The following NCEH1 variants were observed in gnomAD, a reference collection of about 807,000 sequenced individuals.
NCEH1 encodes 2-acetyl MAGE hydrolase.
NCEH1 carries 9 observed loss-of-function variants against 25.4 expected under a neutral mutation model. The observed-to-expected ratio is 0.35, with a 90% CI of 0.21 to 0.62. NCEH1 has a LOEUF of 0.62. NCEH1 is among the 20% of genes least tolerant of loss of function. The pLI, the probability that NCEH1 is intolerant of heterozygous loss-of-function variation, is 0.72. For missense variants in NCEH1, 412 were observed against 501.1 expected, an observed-to-expected ratio of 0.82 and a Z score of 1.70; for synonymous variants, 200 against 199.8, an observed-to-expected ratio of 1.00 and a Z score of -0.01.
intron 1 of NCEH1, among the ~76,000 whole-genome samples, chr3:172,690,138 C>A (rs1405948984): frequency 6.6e-6 from 1 of 151,950 alleles, no homozygotes; most frequent in Non-Finnish European, 1.5e-5. Flanking sequence ...CTCCTCACCT[C>A]GTGATCCACC....
At chr3:172,709,126 T>C (rs1714165652) in intron 1 of NCEH1, among the ~76,000 whole-genome samples, 1 of 152,222 alleles carries the variant, frequency 6.6e-6, no homozygotes, top group Non-Finnish European at 1.5e-5. Flanking sequence ...GGGTATACTC[T>C]GTGGAGGACC....
At chr3:172,706,681 A>G (rs903245942) in intron 1 of NCEH1, among the ~76,000 whole-genome samples, 6 of 151,746 alleles carry the variant, frequency 4.0e-5, no homozygotes, top group African/African-American at 1.5e-4. Flanking sequence ...TGTATTTTTT[A>G]GTAGAGACGG....
intron 1 of NCEH1, among the ~76,000 whole-genome samples, chr3:172,682,947 A>C (rs1385293757): frequency 6.6e-6 from 1 of 152,248 alleles, no homozygotes; most frequent in Non-Finnish European, 1.5e-5. Context: ...AAAAATATGT[A>C]CTTGAAGAAC....
intron 1 of NCEH1, among the ~76,000 whole-genome samples, chr3:172,692,950 T>G (rs1182440023): frequency 1.3e-5 from 2 of 152,206 alleles, no homozygotes; most frequent in Non-Finnish European, 2.9e-5. Context: ...CCTGGAATGT[T>G]CTTCCTATTG....
At chr3:172,653,643 T>A (rs944306177) in intron 1 of NCEH1, among the ~76,000 whole-genome samples, 7 of 152,138 alleles carry the variant, frequency 4.6e-5, no homozygotes, top group African/African-American at 1.7e-4. Flanking sequence ...TCTTAGATGA[T>A]GTCCCATCAT....
chr3:172,677,602 A>AG (rs1560198217), intron 1 of NCEH1, among the ~76,000 whole-genome samples: 1 of 133,640 alleles, frequency 7.5e-6, no homozygotes, highest in African/African-American at 2.8e-5. Flanking sequence ...TGCTTTGCTC[A>AG]GGATCATAAA....
intron 1 of NCEH1, among the ~76,000 whole-genome samples, chr3:172,669,742 G>A (rs1711515290): frequency 6.6e-6 from 1 of 152,148 alleles, no homozygotes; most frequent in East Asian, 1.9e-4. Context: ...TCGCCATCTT[G>A]GCCAGGCTAG....
rs577084909 is a variant in NCEH1 at position 172,657,335 on chromosome 3, A to G, written c.139-9221T>C. 1.4e-4 allele frequency among the ~76,000 whole-genome samples: 22 copies of G among 151,942 alleles called. No homozygotes were observed. The South Asian group carries it at 4.6e-3, about 32-fold the overall frequency. Reference sequence around the variant, plus strand: ...AAGCTCCTCAAAATTAATATGGCCTACTCTCCCTTCTCCACCCCTAGAGCA... The same window carrying G: ...AAGCTCCTCAAAATTAATATGGCCTGCTCTCCCTTCTCCACCCCTAGAGCA... On this transcript the variant is annotated intron_variant, in intron 1 of 4. Coordinates refer to ENST00000475381, the MANE Select transcript of NCEH1 (RefSeq NM_020792.6).
intron 1 of NCEH1, among the ~76,000 whole-genome samples, chr3:172,653,744 G>GTTTTTTTTTTTTTTTTTTTTTT (rs796835886): frequency 2.1e-5 from 2 of 95,672 alleles, no homozygotes; most frequent in African/African-American, 8.4e-5. Context: ...TGTTTTTTTT[G>GTTTTTTTTTTTTTTTTTTTTTT]TTTTTTTGTT....
chr3:172,670,625 A>G (rs1243271536), intron 1 of NCEH1, among the ~76,000 whole-genome samples: 2 of 152,210 alleles, frequency 1.3e-5, no homozygotes, highest in Non-Finnish European at 2.9e-5. Flanking sequence ...GAATAAAGCT[A>G]TTTTTATAAA....
chr3:172,652,246 T>C lies in NCEH1; in HGVS notation c.139-4132A>G, dbSNP rs57643009. Among the ~76,000 whole-genome samples, 1,081 of 152,316 alleles carry C rather than the reference T, an allele frequency of 7.1e-3. 13 individuals are homozygous for C. Among genetic ancestry groups the C allele is most frequent in the African/African-American group, 0.025 (1,043 of 41,580 alleles). On this transcript the variant is annotated intron_variant, in intron 1 of 4. Transcript: ENST00000475381. ...TCTGTGTGCCCAGTGAAAGCATAAA[T>C]GTAGCAGGGTCTGCATGAATGTCTT...
intron 1 of NCEH1, among the ~76,000 whole-genome samples, chr3:172,709,646 A>C (rs1714193165): frequency 6.6e-6 from 1 of 152,220 alleles, no homozygotes; most frequent in Non-Finnish European, 1.5e-5. Context: ...GCAATATCCT[A>C]GTAAGGGGAC....
intron 1 of NCEH1, among the ~76,000 whole-genome samples, chr3:172,707,348 AAC>A (rs1237490580): frequency 2.0e-5 from 3 of 152,150 alleles, no homozygotes; most frequent in African/African-American, 7.2e-5. Flanking sequence ...GCTTTGCTAT[AAC>A]ACAGAAATTT....
intron 1 of NCEH1, among the ~76,000 whole-genome samples, chr3:172,659,638 C>A (rs1717874587): frequency 6.6e-6 from 1 of 152,156 alleles, no homozygotes; most frequent in Non-Finnish European, 1.5e-5. Flanking sequence ...AGACCTGGCA[C>A]ATAAGTACAT....
intron 1 of NCEH1, among the ~76,000 whole-genome samples, chr3:172,649,817 C>T (rs971891401): frequency 6.6e-6 from 1 of 152,128 alleles, no homozygotes; most frequent in Non-Finnish European, 1.5e-5. Flanking sequence ...TTGACTGGCA[C>T]GAAACGATGA....
In NCEH1 at chr3:172,710,902, G is replaced by C; in HGVS notation, c.83C>G (p.Ser28Cys). The C allele has an allele frequency of 6.2e-7, 1 of 1,614,104 alleles. No homozygotes were observed. The highest frequency in any genetic ancestry group is 1.3e-5 in the African/African-American group (1 of 75,062). ...YVYIPLPGSV[S>C]DPWKLMLLDA... is the part of the protein sequence containing the mutation. ...CAGCAGCATCAGCTTCCAGGGGTCGGACACGGAGCCAGGCAGCGGGATGTA... is the reference window on the plus strand; with the variant it reads ...CAGCAGCATCAGCTTCCAGGGGTCGCACACGGAGCCAGGCAGCGGGATGTA... The change falls in exon 1 of 5, where the codon TCC becomes TGC. Residue 28 changes from serine to cysteine, a missense_variant. This residue lies in a region of NCEH1 where 178 missense variants were observed against 189.2 expected (regional missense o/e 0.94). Transcript: ENST00000475381.
intron 1 of NCEH1, among the ~76,000 whole-genome samples, chr3:172,682,434 TG>T (rs1203698327): frequency 6.6e-6 from 1 of 152,230 alleles, no homozygotes; most frequent in East Asian, 1.9e-4. Flanking sequence ...GTCCTGGGTC[TG>T]GGGGGGTAAT....
At chr3:172,662,617 C>T (rs942955027) in intron 1 of NCEH1, among the ~76,000 whole-genome samples, 1 of 152,144 alleles carries the variant, frequency 6.6e-6, no homozygotes, top group African/African-American at 2.4e-5. Context: ...GGTTGGTAGG[C>T]TATTAATTAT....
At chr3:172,661,471 C>T (rs906261681) in intron 1 of NCEH1, among the ~76,000 whole-genome samples, 6 of 152,078 alleles carry the variant, frequency 3.9e-5, no homozygotes, top group African/African-American at 1.4e-4. Flanking sequence ...TTTTTTGGCT[C>T]CATATGAACT....
Sources: gnomAD v4.1 joint callset for allele counts (sites outside exome capture counted in the v4.1 genomes callset) on GRCh38, gnomAD v4.1.1 for gene constraint, gnomAD v4.1.1 regional missense constraint, MANE v1.5 for transcripts, NCBI Gene and HGNC (gene_info 2026-07-23, HGNC 2026-07-21) for gene names.